The following PRKG1 variants were observed in gnomAD, a reference collection of about 807,000 sequenced individuals.
The protein encoded by PRKG1 is cGMP-dependent protein kinase 1.
In PRKG1, 35 loss-of-function variants were observed where a neutral mutation model predicts 88.1. That is an observed-to-expected ratio of 0.40 (90% CI 0.30 to 0.53). The LOEUF is 0.53. PRKG1 is among the 20% of genes least tolerant of loss of function. The probability of loss-of-function intolerance (pLI) is 0.59; values close to 1 mark genes in which losing one functional copy is unlikely to be tolerated. For synonymous variants in PRKG1, 303 were observed against 292.5 expected (o/e 1.04, Z -0.37); for missense variants, 540 against 839.8 (o/e 0.64, Z 4.41).
intron 7 of PRKG1, among the ~76,000 whole-genome samples, chr10:52,068,202 CA>C (rs71032621): frequency 0.26 from 9,848 of 38,556 alleles, 215 homozygotes; most frequent in Middle Eastern, 0.35. Context: ...AACTCCGTCT[CA>C]AAAAAAAAAA....
chr10:51,474,578 A>G (rs1840141068), intron 3 of PRKG1, among the ~76,000 whole-genome samples: 1 of 151,986 alleles, frequency 6.6e-6, no homozygotes, highest in Non-Finnish European at 1.5e-5. Flanking sequence ...ATGTTTCATG[A>G]GATGAAACTT....
At chr10:52,276,962 G>T (rs1841887296) in intron 12 of PRKG1, among the ~76,000 whole-genome samples, 1 of 152,060 alleles carries the variant, frequency 6.6e-6, no homozygotes, top group Admixed American at 6.6e-5. Flanking sequence ...TTGAGACAAG[G>T]TTTTCATTTA....
intron 9 of PRKG1, among the ~76,000 whole-genome samples, chr10:52,249,932 A>C (rs1365185360): frequency 6.6e-6 from 1 of 152,192 alleles, no homozygotes; most frequent in Non-Finnish European, 1.5e-5. Context: ...TTATTCAACA[A>C]CGATCTCATT....
intron 5 of PRKG1, among the ~76,000 whole-genome samples, chr10:52,007,742 T>G (rs769366291): frequency 1.3e-5 from 2 of 152,090 alleles, no homozygotes; most frequent in Non-Finnish European, 2.9e-5. Context: ...ACAAAAATAT[T>G]CAGGACTTGA....
intron 1 of PRKG1, among the ~76,000 whole-genome samples, chr10:51,146,653 C>T (rs1015991861): frequency 2.6e-5 from 4 of 151,948 alleles, no homozygotes; most frequent in East Asian, 3.9e-4. Flanking sequence ...TGCCTAGACT[C>T]GATGTCCTGA....
intron 3 of PRKG1, among the ~76,000 whole-genome samples, chr10:51,500,616 C>T (rs1297886318): frequency 6.6e-6 from 1 of 152,158 alleles, no homozygotes; most frequent in Admixed American, 6.6e-5. Context: ...GCCTGGTTAT[C>T]TTTCAAGTGA....
chr10:51,470,988 A>G (rs1840033719), intron 3 of PRKG1, among the ~76,000 whole-genome samples: 1 of 151,960 alleles, frequency 6.6e-6, no homozygotes, highest in Non-Finnish European at 1.5e-5. Flanking sequence ...AATCAAAACC[A>G]CAGTGATATA....
intron 3 of PRKG1, among the ~76,000 whole-genome samples, chr10:51,508,182 A>T (rs147715707): frequency 6.4e-4 from 98 of 152,318 alleles, no homozygotes; most frequent in African/African-American, 2.2e-3. Context: ...GCATTTAAAC[A>T]GGACCTGGCA....
intron 1 of PRKG1, among the ~76,000 whole-genome samples, chr10:51,081,274 C>T (rs982909946): frequency 2.0e-4 from 31 of 152,054 alleles, no homozygotes; most frequent in African/African-American, 6.8e-4. Flanking sequence ...AAGGGCGAAA[C>T]GAGATGGGTA....
intron 1 of PRKG1, among the ~76,000 whole-genome samples, chr10:51,136,853 T>C (rs1415766899): frequency 6.6e-6 from 1 of 152,172 alleles, no homozygotes; most frequent in Non-Finnish European, 1.5e-5. Flanking sequence ...TTTCAAAATG[T>C]TATTTTGGAT....
At chr10:52,181,176 T>A (rs1395645311) in intron 9 of PRKG1, among the ~76,000 whole-genome samples, 1 of 152,020 alleles carries the variant, frequency 6.6e-6, no homozygotes, top group African/African-American at 2.4e-5. Flanking sequence ...CAGCTCTTGG[T>A]TCAGTCCAGG....
At chr10:52,183,557 G>C (rs963732891) in intron 9 of PRKG1, among the ~76,000 whole-genome samples, 1 of 152,208 alleles carries the variant, frequency 6.6e-6, no homozygotes, top group Non-Finnish European at 1.5e-5. Context: ...CAGAGTCATA[G>C]CTAATCCTGG....
chr10:51,987,805 G>A (rs1293380265), intron 5 of PRKG1, among the ~76,000 whole-genome samples: 2 of 152,022 alleles, frequency 1.3e-5, no homozygotes, highest in Non-Finnish European at 2.9e-5. Context: ...ATTGCAAAGA[G>A]TTCCCTGGTA....
At chr10:51,562,000 A>T (rs1164530209) in intron 3 of PRKG1, among the ~76,000 whole-genome samples, 3 of 152,096 alleles carry the variant, frequency 2.0e-5, no homozygotes, top group African/African-American at 7.2e-5. Flanking sequence ...AGGCAGGCAG[A>T]TCATCTGAGA....
intron 7 of PRKG1, among the ~76,000 whole-genome samples, chr10:52,093,329 G>A (rs769223378): frequency 6.6e-5 from 10 of 152,110 alleles, no homozygotes; most frequent in Admixed American, 3.3e-4. Flanking sequence ...TATCCTTTCT[G>A]AGTTCCTTGC....
At chr10:52,153,723 A>C (rs1376952201) in intron 8 of PRKG1, among the ~76,000 whole-genome samples, 1 of 152,016 alleles carries the variant, frequency 6.6e-6, no homozygotes. Flanking sequence ...ATACTGCAAA[A>C]ATTTATTTTT....
chr10:51,126,812 G>A lies in PRKG1; in HGVS notation c.312-26352G>A, dbSNP rs528694018. Among the ~76,000 whole-genome samples the A allele has an allele frequency of 2.1e-3, 321 of 152,022 alleles. 2 individuals carry two copies. Among genetic ancestry groups the A allele is most frequent in the African/African-American group, 7.4e-3 (305 of 41,476 alleles). ...AGAGACCTCAGAAATAACACTACAC[G>A]TCTACAACCATCTGATCTTCAACAA... On this transcript the variant is annotated intron_variant, in intron 1 of 17. Transcript: ENST00000373980.
intron 1 of PRKG1, among the ~76,000 whole-genome samples, chr10:51,150,037 AG>A (rs1395474022): frequency 6.6e-5 from 10 of 152,160 alleles, no homozygotes; most frequent in Non-Finnish European, 1.5e-4. Flanking sequence ...TGGGCATGAA[AG>A]AAAAAGATTT....
At chr10:51,637,437 T>A (rs1473194812) in intron 3 of PRKG1, among the ~76,000 whole-genome samples, 1 of 152,214 alleles carries the variant, frequency 6.6e-6, no homozygotes, top group Non-Finnish European at 1.5e-5. Context: ...GAAAGGAACA[T>A]AAATCATTCT....
Sources: gnomAD v4.1 joint callset for allele counts (sites outside exome capture counted in the v4.1 genomes callset) on GRCh38, gnomAD v4.1.1 for gene constraint, MANE v1.5 for transcripts, NCBI Gene and HGNC (gene_info 2026-07-23, HGNC 2026-07-21) for gene names.